VIRMA: variants seen among roughly 807,000 people sequenced by gnomAD.
The protein encoded by VIRMA is protein virilizer homolog.
In VIRMA, 65 loss-of-function variants were observed where a neutral mutation model predicts 182.4. That is an observed-to-expected ratio of 0.36 (90% CI 0.29 to 0.44). The LOEUF (loss-of-function observed/expected upper bound fraction) is 0.44. VIRMA is among the 20% of genes least tolerant of loss of function. The pLI is 1.00. For synonymous variants in VIRMA, 709 were observed against 743.1 expected (o/e 0.95, Z 0.75); for missense variants, 1,752 against 2,158.1 (o/e 0.81, Z 3.73).
In VIRMA at chr8:94,511,309, T is replaced by C; in HGVS notation, c.3266A>G (p.Asn1089Ser). ...TTCTTTTAACATTAAAGACCAAGTATTATTGGCCAGAGTCTCTTCTGAGAT... is the reference window on the plus strand; with the variant it reads ...TTCTTTTAACATTAAAGACCAAGTACTATTGGCCAGAGTCTCTTCTGAGAT... ...LTISEETLAN[N>S]TWSLMLKEVL... is the part of the protein sequence containing the mutation. Residue 1089 changes from asparagine (N) to serine (S), a missense_variant, in exon 13 of 24, where the codon AAT (asparagine) becomes AGT (serine). Asn to Ser is a conservative substitution (Grantham distance 46). Transcript: ENST00000297591. 1.9e-6 allele frequency: 3 copies of C among 1,613,802 alleles called. No homozygotes were observed. Among genetic ancestry groups the C allele is most frequent in the Non-Finnish European group, 2.5e-6 (3 of 1,179,928 alleles).
At position 94,488,024 on chromosome 8, in the gene VIRMA, A is replaced by G. The variant is rs1474755364; in HGVS notation, c.*682T>C. Reference sequence around the variant, plus strand: ...TAGCAGGGCACCTTAGCAAATTAACATGGGTGCCACACAATATTTTAAAAT... The same window carrying G: ...TAGCAGGGCACCTTAGCAAATTAACGTGGGTGCCACACAATATTTTAAAAT... On this transcript the variant is annotated 3_prime_UTR_variant, in exon 24 of 24. Coordinates refer to ENST00000297591, the MANE Select transcript of VIRMA (RefSeq NM_015496.5). The G allele has an allele frequency of 1.3e-5, 2 of 152,226 alleles. No individual in the cohort carries two copies. Among genetic ancestry groups the G allele is most frequent in the Non-Finnish European group, 2.9e-5 (2 of 68,042 alleles). The allele number at this position is 152,226 out of a possible 1,614,324, so 9.4% of individuals were successfully genotyped here.
At chr8:94,513,448 T>G (rs1319817617) in intron 11 of VIRMA, among the ~76,000 whole-genome samples, 1 of 149,846 alleles carries the variant, frequency 6.7e-6, no homozygotes, top group Non-Finnish European at 1.5e-5. Context: ...AAAAAAAAGT[T>G]ACTACCTCAT....
In VIRMA at chr8:94,531,067, T is replaced by C. The variant is rs1206265059; in HGVS notation, c.503A>G (p.Asp168Gly). ...TCTTGGAGGGCTTCCATTAAACTGATCTTCTTTCTCCCCATCAGCTAGTGT... is the reference window on the plus strand; with the variant it reads ...TCTTGGAGGGCTTCCATTAAACTGACCTTCTTTCTCCCCATCAGCTAGTGT... ...NPKHADGEKE[D>G]QFNGSPPRPQ... Residue 168 changes from aspartate (D) to glycine (G), a missense_variant, in exon 6 of 24, where the codon GAT becomes GGT. This residue lies in a region of VIRMA where 17 missense variants were observed against 37.8 expected (regional missense o/e 0.45). Transcript: ENST00000297591. 2 of 1,573,332 alleles carry C rather than the reference T, an allele frequency of 1.3e-6. No homozygotes were observed. The highest frequency in any genetic ancestry group is 1.2e-5 in the South Asian group (1 of 84,710).
chr8:94,495,350 T>G (rs1473121690), intron 19 of VIRMA, among the ~76,000 whole-genome samples: 1 of 152,146 alleles, frequency 6.6e-6, no homozygotes, highest in African/African-American at 2.4e-5. Flanking sequence ...CAATTAAAAT[T>G]ATTACTTTCT....
At chr8:94,544,971 G>GA (rs560518939) in intron 1 of VIRMA, among the ~76,000 whole-genome samples, 214 of 150,970 alleles carry the variant, frequency 1.4e-3, no homozygotes, top group Non-Finnish European at 1.8e-3. Flanking sequence ...TTATTATATA[G>GA]AAAAAAAAAT....
intron 16 of VIRMA, among the ~76,000 whole-genome samples, chr8:94,501,524 A>T (rs1370122668): frequency 6.6e-6 from 1 of 152,214 alleles, no homozygotes; most frequent in Non-Finnish European, 1.5e-5. Context: ...TGAGTTTGAG[A>T]CTGCTACTTC....
chr8:94,491,622 G>A lies in VIRMA; in HGVS notation c.5096C>T (p.Ala1699Val). 6.2e-7 allele frequency: 1 copy of A among 1,614,054 alleles called. No individual in the cohort carries two copies. The highest frequency in any genetic ancestry group is 8.5e-7 in the Non-Finnish European group (1 of 1,179,976). ...GFSGNRGGRG[A>V]FHSQNRFFTP... is the part of the protein sequence containing the mutation. ...GAAAAACCTATTCTGACTGTGGAAA[G>A]CACCCCGTCCTCCTCTATTGCCTGA... Residue 1699 changes from alanine to valine, a missense_variant, in exon 22 of 24, where the codon GCT becomes GTT. By Grantham distance (64) the Ala-to-Val change is moderately conservative. Coordinates refer to ENST00000297591, the MANE Select transcript of VIRMA (RefSeq NM_015496.5).
At chr8:94,518,655 A>G (rs1814644132) in intron 9 of VIRMA, among the ~76,000 whole-genome samples, 1 of 152,218 alleles carries the variant, frequency 6.6e-6, no homozygotes, top group Non-Finnish European at 1.5e-5. Flanking sequence ...AGAAAGTGTA[A>G]GAGGAATAAA....
chr8:94,531,062 A>G lies in VIRMA; in HGVS notation c.508T>C (p.Phe170Leu), dbSNP rs754933391. The G allele has an allele frequency of 3.2e-6, 5 of 1,578,896 alleles. No homozygotes were observed. In the South Asian group the frequency reaches 4.7e-5, roughly 15 times the overall value. ...KHADGEKEDQFNGSPPRPQPR... is the reference protein window; with the variant it reads ...KHADGEKEDQLNGSPPRPQPR... ...TGTGGTCTTGGAGGGCTTCCATTAAACTGATCTTCTTTCTCCCCATCAGCT... is the reference window on the plus strand; with the variant it reads ...TGTGGTCTTGGAGGGCTTCCATTAAGCTGATCTTCTTTCTCCCCATCAGCT... The change falls in exon 6 of 24, where the codon TTT becomes CTT. Residue 170 changes from phenylalanine to leucine, a missense_variant. Phe to Leu is a conservative substitution (Grantham distance 22). Around this residue, in one of 11 missense-constraint regions of VIRMA, gnomAD observed 17 missense variants for 37.8 expected, o/e 0.45. Transcript: ENST00000297591.
chr8:94,488,808 T>G lies in VIRMA; in HGVS notation c.5337A>C (p.Gly1779=), dbSNP rs1813527841. 1.2e-6 allele frequency: 2 copies of G among 1,614,196 alleles called. No individual in the cohort carries two copies. The change falls in exon 24 of 24, where the codon GGA becomes GGC. Residue 1779 remains glycine, a synonymous_variant. Coordinates refer to ENST00000297591, the MANE Select transcript of VIRMA (RefSeq NM_015496.5). ...DRASRGRGGL[G]PSWASANSGS... is the part of the protein sequence containing the mutation. ...CGCTATTTGCACTAGCCCAGGAAGG[T>G]CCAAGTCCCCCACGACCTCTAGAAG...
chr8:94,535,673 C>CAGG (rs1815317695), intron 4 of VIRMA, among the ~76,000 whole-genome samples: 1 of 151,750 alleles, frequency 6.6e-6, no homozygotes, highest in Non-Finnish European at 1.5e-5. Context: ...CCCAGATACT[C>CAGG]AGGAGACTGA....
rs574016872 is a variant in VIRMA, at chr8:94,538,409, A to G, written c.180-63T>C. The G allele has an allele frequency of 1.3e-4, 128 of 982,906 alleles. 1 individual carries two copies. The South Asian group carries it at 1.6e-3, about 12-fold the overall frequency. The allele number at this position is 982,906 out of a possible 1,614,324, so 60.9% of individuals were successfully genotyped here. A position where few individuals can be genotyped will look rare whatever the true frequency, so the allele number is the denominator to read the frequency against. On this transcript the variant is annotated intron_variant, in intron 2 of 23. Coordinates refer to ENST00000297591, the MANE Select transcript of VIRMA (RefSeq NM_015496.5). ...ACAAACACTTCCTAAATTAAAACAAATAACATAGTAAGTACAAAGTTAAGA... is the reference window on the plus strand; with the variant it reads ...ACAAACACTTCCTAAATTAAAACAAGTAACATAGTAAGTACAAAGTTAAGA...
intron 19 of VIRMA, 50 bp from the exon 20 acceptor site, chr8:94,495,006 T>A: frequency 1.5e-6 from 2 of 1,336,720 alleles, no homozygotes; most frequent in Non-Finnish European, 2.1e-6. Context: ...AAATCAAATT[T>A]CAATTTTTTT....
chr8:94,527,060 T>C lies in VIRMA; in HGVS notation c.1184A>G (p.Asp395Gly), dbSNP rs1814996406. 1 of 1,614,210 alleles carries C rather than the reference T, an allele frequency of 6.2e-7. No homozygotes were observed. The highest frequency in any genetic ancestry group is 1.1e-5 in the South Asian group (1 of 91,086). The change falls in exon 8 of 24, where the codon GAT becomes GGT. Residue 395 changes from aspartate (D) to glycine (G), a missense_variant. Physicochemically the swap from Asp to Gly is moderately conservative, Grantham distance 94. Transcript: ENST00000297591. ...AGCTGTTACCCATTTTGCACCTCTA[T>C]CTTCTCTATACAAATCTAAGAGTTC... ...LTELLDLYRE[D>G]RGAKWVTALE... is the part of the protein sequence containing the mutation.
chr8:94,539,875 G>A (rs145476833), intron 2 of VIRMA, among the ~76,000 whole-genome samples: 1 of 152,288 alleles, frequency 6.6e-6, no homozygotes, highest in Non-Finnish European at 1.5e-5. Flanking sequence ...TGTTAACAAA[G>A]CAAGTTCAGC....
At position 94,534,927 on chromosome 8, in the gene VIRMA, T is replaced by C. The variant is rs1297022876; in HGVS notation, c.396A>G (p.Ile132Met). ...GTGGTGGAGAGTCTCTGTCATGACT[T>C]ATCACTCTATCCACTGATCCATATA... The part of the protein sequence containing the change: ...LAIYGSVDRV[I>M]SHDRDSPPPP... The change falls in exon 5 of 24, where the codon ATA becomes ATG. Residue 132 changes from isoleucine to methionine, a missense_variant. By Grantham distance (10) the Ile-to-Met change is conservative (BLOSUM62 1). Around this residue, in one of 11 missense-constraint regions of VIRMA, gnomAD observed 195 missense variants for 191.7 expected, o/e 1.02. Transcript: ENST00000297591. The C allele has an allele frequency of 1.9e-6, 3 of 1,613,876 alleles. No individual in the cohort carries two copies. Among genetic ancestry groups the C allele is most frequent in the Non-Finnish European group, 2.5e-6 (3 of 1,179,978 alleles).
intron 8 of VIRMA, among the ~76,000 whole-genome samples, chr8:94,520,912 T>C (rs147696007): frequency 7.2e-4 from 109 of 152,328 alleles, no homozygotes; most frequent in African/African-American, 2.5e-3. Flanking sequence ...TAGCACTCTT[T>C]TATGAGACGA....
chr8:94,511,791 AATT>A (rs1814386919), intron 12 of VIRMA, 62 bp from the exon 13 acceptor site: 3 of 1,017,234 alleles, frequency 2.9e-6, no homozygotes, highest in Non-Finnish European at 4.0e-6. Flanking sequence ...ACTGATTAAG[AATT>A]ATTAAAGTGA....
Position 94,511,477 on chromosome 8 carries a change from A to G in VIRMA, c.3098T>C (p.Val1033Ala), listed in dbSNP as rs1391497651. The G allele has an allele frequency of 1.2e-6, 2 of 1,614,064 alleles. No homozygotes were observed. The highest frequency in any genetic ancestry group is 1.7e-5 in the Admixed American group (1 of 60,006). Reference sequence around the variant, plus strand: ...ATGTAAAGTAACAAGCGCTGAAGGAACACGCATGTCCTTAAACTCAAAGGA... The same window carrying G: ...ATGTAAAGTAACAAGCGCTGAAGGAGCACGCATGTCCTTAAACTCAAAGGA... ...GGSFEFKDMR[V>A]PSALVTLHML... The change falls in exon 13 of 24, where the codon GTT becomes GCT. Residue 1033 changes from valine to alanine, a missense_variant. Coordinates refer to ENST00000297591, the MANE Select transcript of VIRMA (RefSeq NM_015496.5).
Sources: allele counts gnomAD v4.1 joint callset (sites outside exome capture counted in the v4.1 genomes callset), GRCh38; gene constraint gnomAD v4.1.1; regional missense constraint gnomAD v4.1.1; transcripts MANE v1.5; gene names NCBI Gene and HGNC (gene_info 2026-07-23, HGNC 2026-07-21).